Variants in PTPRM observed in about 807,000 individuals in gnomAD.
PTPRM encodes protein tyrosine phosphatase receptor type M, also known as receptor-type tyrosine-protein phosphatase mu.
PTPRM carries 47 observed loss-of-function variants against 186.7 expected under a neutral mutation model. The ratio of observed to expected loss-of-function variants is 0.25; its 90% CI spans 0.20 to 0.32. The LOEUF is 0.32. Ranked by LOEUF, PTPRM falls within the 10% of genes least tolerant of loss-of-function variation. The pLI is 1.00. For missense variants in PTPRM, 1,494 were observed against 1,865.0 expected (o/e 0.80, Z 3.66); for synonymous variants, 668 against 674.9 (o/e 0.99, Z 0.16).
At chr18:7,982,851 G>A (rs1050224073) in intron 7 of PTPRM, among the ~76,000 whole-genome samples, 3 of 152,060 alleles carry the variant, frequency 2.0e-5, no homozygotes, top group African/African-American at 7.2e-5. Flanking sequence ...TTGTTATGTG[G>A]CGTGTGATGG....
intron 2 of PTPRM, among the ~76,000 whole-genome samples, chr18:7,859,615 T>C (rs2047259044): frequency 6.6e-6 from 1 of 152,200 alleles, no homozygotes; most frequent in African/African-American, 2.4e-5. Flanking sequence ...GCATAGCAGA[T>C]GTCACTCCTG....
At chr18:7,686,972 G>C (rs1410615920) in intron 1 of PTPRM, among the ~76,000 whole-genome samples, 1 of 152,156 alleles carries the variant, frequency 6.6e-6, no homozygotes, top group Admixed American at 6.5e-5. Context: ...GATTTTGACT[G>C]TTTTATAAGA....
chr18:8,111,892 A>G (rs1390069709), intron 11 of PTPRM, among the ~76,000 whole-genome samples: 2 of 152,210 alleles, frequency 1.3e-5, no homozygotes, highest in Non-Finnish European at 2.9e-5. Context: ...CGATTTCAAG[A>G]GAATGGTCAC....
At chr18:8,167,051 C>T (rs562069826) in intron 14 of PTPRM, among the ~76,000 whole-genome samples, 1 of 152,326 alleles carries the variant, frequency 6.6e-6, no homozygotes, top group South Asian at 2.1e-4. Flanking sequence ...TACTCTTGGA[C>T]ACAGGCTCTG....
At chr18:7,598,023 T>C (rs1366665902) in intron 1 of PTPRM, among the ~76,000 whole-genome samples, 4 of 152,150 alleles carry the variant, frequency 2.6e-5, no homozygotes, top group African/African-American at 9.7e-5. Flanking sequence ...TTAAAAAAAA[T>C]TGTTAATATA....
At chr18:7,985,405 G>A (rs981458962) in intron 7 of PTPRM, among the ~76,000 whole-genome samples, 3 of 127,094 alleles carry the variant, frequency 2.4e-5, no homozygotes, top group East Asian at 2.2e-4. Context: ...TGGTATATAC[G>A]TATATAAATA....
intron 7 of PTPRM, among the ~76,000 whole-genome samples, chr18:8,033,771 C>CT (rs2086151768): frequency 6.6e-6 from 1 of 152,132 alleles, no homozygotes. Flanking sequence ...GACTGATAAC[C>CT]TTTTACTAGT....
intron 1 of PTPRM, among the ~76,000 whole-genome samples, chr18:7,614,478 A>C (rs1277020937): frequency 6.6e-6 from 1 of 152,240 alleles, no homozygotes; most frequent in Admixed American, 6.5e-5. Flanking sequence ...AGCTTCTTGC[A>C]AGCTTAGAAG....
At chr18:7,653,808 T>C (rs972010654) in intron 1 of PTPRM, among the ~76,000 whole-genome samples, 2 of 152,184 alleles carry the variant, frequency 1.3e-5, no homozygotes, top group African/African-American at 4.8e-5. Flanking sequence ...GGTAGAATGA[T>C]TTATATTCCT....
chr18:8,393,604 G>A (rs1021351038), intron 31 of PTPRM, among the ~76,000 whole-genome samples: 2 of 152,212 alleles, frequency 1.3e-5, no homozygotes, highest in Admixed American at 6.5e-5. Context: ...CCAGCATCAC[G>A]TTCTTGGTTT....
At chr18:7,797,653 T>G (rs2043733402) in intron 2 of PTPRM, among the ~76,000 whole-genome samples, 1 of 151,894 alleles carries the variant, frequency 6.6e-6, no homozygotes, top group Non-Finnish European at 1.5e-5. Flanking sequence ...CCTCACTTCT[T>G]CTGGCCTTCA....
At chr18:7,910,977 G>C (rs1305609168) in intron 4 of PTPRM, among the ~76,000 whole-genome samples, 1 of 152,130 alleles carries the variant, frequency 6.6e-6, no homozygotes, top group African/African-American at 2.4e-5. Flanking sequence ...TAATTTACTT[G>C]TTGTTCCTGT....
intron 7 of PTPRM, among the ~76,000 whole-genome samples, chr18:8,029,259 C>T (rs551339938): frequency 3.0e-4 from 46 of 151,464 alleles, no homozygotes; most frequent in South Asian, 2.1e-3. Context: ...GTGCCTCCCC[C>T]ACACCTGTCC....
chr18:8,255,472 C>G (rs1307075434), intron 19 of PTPRM, among the ~76,000 whole-genome samples: 2 of 151,926 alleles, frequency 1.3e-5, no homozygotes, highest in Non-Finnish European at 2.9e-5. Flanking sequence ...TAATTTGAAC[C>G]ATATTATGAC....
intron 4 of PTPRM, among the ~76,000 whole-genome samples, chr18:7,908,338 A>T (rs916032626): frequency 6.6e-6 from 1 of 152,156 alleles, no homozygotes; most frequent in Admixed American, 6.5e-5. Flanking sequence ...CATATATTTC[A>T]TGGGTCTTTC....
chr18:8,290,098 T>C, intron 19 of PTPRM, among the ~76,000 whole-genome samples: 1 of 152,138 alleles, frequency 6.6e-6, no homozygotes, highest in East Asian at 1.9e-4. Context: ...TAGCAATAAA[T>C]AGTTTATATG....
At chr18:7,882,442 C>G (rs945278122) in intron 2 of PTPRM, among the ~76,000 whole-genome samples, 1 of 152,078 alleles carries the variant, frequency 6.6e-6, no homozygotes, top group Non-Finnish European at 1.5e-5. Flanking sequence ...ACCCCATAAA[C>G]TAGAGTCAGG....
chr18:7,654,253 C>G (rs993369383), intron 1 of PTPRM, among the ~76,000 whole-genome samples: 1 of 152,046 alleles, frequency 6.6e-6, no homozygotes, highest in African/African-American at 2.4e-5. Flanking sequence ...AAATTTTTCT[C>G]CCATTTGGTA....
At chr18:8,028,121 G>A (rs989415042) in intron 7 of PTPRM, among the ~76,000 whole-genome samples, 9 of 152,264 alleles carry the variant, frequency 5.9e-5, no homozygotes, top group African/African-American at 2.2e-4. Context: ...TCCTGCTTCA[G>A]CTTCCCAAGT....
Sources: gnomAD v4.1 joint callset for allele counts (sites outside exome capture counted in the v4.1 genomes callset) on GRCh38, gnomAD v4.1.1 for gene constraint, MANE v1.5 for transcripts, NCBI Gene and HGNC (gene_info 2026-07-23, HGNC 2026-07-21) for gene names.